ABR: variants seen among roughly 807,000 people sequenced by gnomAD.
ABR encodes active breakpoint cluster region-related protein.
In ABR, 35 loss-of-function variants were observed where a neutral mutation model predicts 107.2. The ratio of observed to expected loss-of-function variants is 0.33; its 90% CI spans 0.25 to 0.43. The LOEUF (loss-of-function observed/expected upper bound fraction) is 0.43, where lower values mean the gene tolerates loss of function less well. ABR is among the 20% of genes least tolerant of loss of function. The probability of loss-of-function intolerance (pLI) is 1.00; values close to 1 mark genes in which losing one functional copy is unlikely to be tolerated. For synonymous variants in ABR, 498 were observed against 462.0 expected, an observed-to-expected ratio of 1.08 and a Z score of -1.00; for missense variants, 815 against 1,115.2, an observed-to-expected ratio of 0.73 and a Z score of 3.83.
At chr17:1,012,321 A>G (rs1433437638) in intron 18 of ABR, 2 of 638,616 alleles carry the variant, frequency 3.1e-6, no homozygotes, top group Non-Finnish European at 5.8e-6. Context: ...CAGGCCTGAG[A>G]CAAGGGGCCA....
At chr17:1,146,904 A>G (rs928862869) in intron 1 of ABR, among the ~76,000 whole-genome samples, 34 of 151,402 alleles carry the variant, frequency 2.2e-4, no homozygotes, top group African/African-American at 8.3e-4. Flanking sequence ...CACTGCCACC[A>G]CTGCCACCAT....
At chr17:1,223,154 A>C (rs1268516975) in intron 1 of ABR, among the ~76,000 whole-genome samples, 1 of 151,866 alleles carries the variant, frequency 6.6e-6, no homozygotes, top group East Asian at 1.9e-4. Flanking sequence ...GTGAGCCGAG[A>C]TCTTGCCATT....
intron 3 of ABR, among the ~76,000 whole-genome samples, chr17:1,095,082 C>T (rs2037316698): frequency 6.6e-6 from 1 of 152,164 alleles, no homozygotes; most frequent in African/African-American, 2.4e-5. Flanking sequence ...AATCCCCATA[C>T]CCAAGAATTC....
In ABR at chr17:1,100,691, C is replaced by T. The variant is rs376958191; in HGVS notation, c.291G>A (p.Ser97=). 3.4e-5 allele frequency: 55 copies of T among 1,613,810 alleles called. No individual in the cohort carries two copies. In the Admixed American group the frequency reaches 5.0e-4, roughly 15 times the overall value. The change falls in exon 3 of 23, where the codon TCG becomes TCA. Residue 97 remains serine, a synonymous_variant. Coordinates refer to ENST00000302538, the MANE Select transcript of ABR (RefSeq NM_021962.5). ...KGLEMRKLVL[S]GFLASEEIYI... The stretch of plus-strand genomic sequence containing the variant: ...AGATCTCTTCGCTGGCCAAGAACCC[C>T]GAGAGAACCAGCTTCCTCATCTCCA...
chr17:1,049,965 A>G (rs1413299603), intron 16 of ABR, 85 bp downstream of exon 16: 1 of 1,514,678 alleles, frequency 6.6e-7, no homozygotes, highest in Non-Finnish European at 8.8e-7. Flanking sequence ...ATCACGAAAG[A>G]GCAGGCTCCT....
rs747765883 is a variant in ABR, at chr17:1,125,290, T to C, written c.139A>G (p.Met47Val). The stretch of plus-strand genomic sequence containing the variant: ...GTGGGCGACTCATCGATGTACGGCA[T>C]GGTCTCTGAGCCCTCCGGGGGCCCC... ...QKGPPEGSETMPYIDESPTMS... is the reference protein window; with the variant it reads ...QKGPPEGSETVPYIDESPTMS... Residue 47 changes from methionine to valine, a missense_variant, in exon 2 of 23, where the codon ATG becomes GTG. By Grantham distance (21) the Met-to-Val change is conservative. Around this residue, in one of 5 missense-constraint regions of ABR, gnomAD observed 129 missense variants for 124.8 expected, o/e 1.03. Transcript: ENST00000302538. The C allele has an allele frequency of 1.2e-6, 2 of 1,613,820 alleles. No homozygotes were observed. Among genetic ancestry groups the C allele is most frequent in the East Asian group, 4.5e-5 (2 of 44,890 alleles).
At chr17:1,031,973 C>T (rs1224252913) in intron 16 of ABR, 3 of 765,134 alleles carry the variant, frequency 3.9e-6, no homozygotes, top group Admixed American at 4.8e-5. Flanking sequence ...CCAGGCTGAG[C>T]GCCGCCTCCC....
intron 17 of ABR, 45 bp from the exon 18 acceptor site, chr17:1,012,842 G>T: frequency 1.4e-6 from 2 of 1,480,612 alleles, no homozygotes; most frequent in South Asian, 1.2e-5. Flanking sequence ...GGGTGTGAGT[G>T]CCCGAGGAAT....
intron 1 of ABR, among the ~76,000 whole-genome samples, chr17:1,224,933 A>C (rs753308584): frequency 3.3e-5 from 5 of 151,776 alleles, no homozygotes; most frequent in Non-Finnish European, 5.9e-5. Context: ...GCGGATCACA[A>C]AGTCAGGAGA....
chr17:1,215,837 A>AAT (rs2042991994), intron 1 of ABR, among the ~76,000 whole-genome samples: 1 of 151,992 alleles, frequency 6.6e-6, no homozygotes, highest in Non-Finnish European at 1.5e-5. Flanking sequence ...CTGGGAGAAA[A>AAT]TCTTCTGCCT....
chr17:1,126,873 A>G (rs2039625661), intron 1 of ABR, among the ~76,000 whole-genome samples: 1 of 152,196 alleles, frequency 6.6e-6, no homozygotes. Flanking sequence ...AAGTGCGTGG[A>G]GCGAATGAAT....
chr17:1,080,452 T>C (rs943138034), intron 5 of ABR, among the ~76,000 whole-genome samples: 4 of 152,044 alleles, frequency 2.6e-5, no homozygotes, highest in African/African-American at 9.7e-5. Flanking sequence ...ACTGGAGCTG[T>C]AATACCATCC....
chr17:1,220,234 T>C (rs1187726797), intron 1 of ABR, among the ~76,000 whole-genome samples: 1 of 151,016 alleles, frequency 6.6e-6, no homozygotes, highest in African/African-American at 2.4e-5. Context: ...GAGCTTGCAG[T>C]GAACCAAGAT....
At chr17:1,031,952 G>A (rs979946793) in intron 16 of ABR, 2 of 854,742 alleles carry the variant, frequency 2.3e-6, no homozygotes, top group African/African-American at 1.9e-5. Context: ...CGCCCTCCGC[G>A]AGGCTGCAGC....
chr17:1,157,281 C>T lies in ABR; in HGVS notation c.61+22386G>A. Among the ~76,000 whole-genome samples, 2 of 147,156 alleles carry T rather than the reference C, an allele frequency of 1.4e-5. No homozygotes were observed. The highest frequency in any genetic ancestry group is 3.0e-5 in the Non-Finnish European group (2 of 67,218). On this transcript the variant is annotated intron_variant, in intron 1 of 22. Transcript: ENST00000302538. This position sits in a 1 kb window ranked among gnomAD's most constrained non-coding sequence, Gnocchi z 4.7. ...TTTTTTTTTTTTTGAGATGAAGTCT[C>T]ACTCTGTCGCCCAGGCTGGAGTGCA...
At position 1,073,776 on chromosome 17, in the gene ABR, C is replaced by T. The variant is rs112454275; in HGVS notation, c.701-99G>A. The T allele has an allele frequency of 2.7e-4, 295 of 1,076,960 alleles. 1 individual carries two copies. The East Asian group carries it at 7.1e-3, about 26-fold the overall frequency. 66.7% of individuals were successfully genotyped at this position (1,076,960 alleles called of 1,614,324 possible). A position where few individuals can be genotyped will look rare whatever the true frequency, so the allele number is the denominator to read the frequency against. ...CGTCCCCCCACCCGCATGCTTCCCA[C>T]GTGAACACCCCTCGAGGGACACCAG... On this transcript the variant is annotated intron_variant, in intron 6 of 22. Coordinates refer to ENST00000302538, the MANE Select transcript of ABR (RefSeq NM_021962.5).
rs780978606 is a variant in ABR at position 1,050,498 on chromosome 17, G to A, written c.1659+39C>T. The stretch of plus-strand genomic sequence containing the variant: ...AGCAGACAAGCCACGAGCACGGGGT[G>A]GTGGGGTCCCCACAGAGATGCCAGC... On this transcript the variant is annotated intron_variant, in intron 15 of 22. Coordinates refer to ENST00000302538, the MANE Select transcript of ABR (RefSeq NM_021962.5). The surrounding 1 kb of genome is among the most constrained non-coding windows in gnomAD (Gnocchi z 4.6). 5.5e-5 allele frequency: 86 copies of A among 1,571,940 alleles called. No homozygotes were observed. The East Asian group carries it at 7.6e-4, about 14-fold the overall frequency.
intron 1 of ABR, among the ~76,000 whole-genome samples, chr17:1,226,147 C>T (rs889473378): frequency 6.6e-6 from 1 of 152,136 alleles, no homozygotes; most frequent in African/African-American, 2.4e-5. Flanking sequence ...GCAGCATCCA[C>T]GGTGGTAATT....
At chr17:1,067,037 G>T in intron 10 of ABR, 40 bp downstream of exon 10, 1 of 1,603,714 alleles carries the variant, frequency 6.2e-7, no homozygotes. Context: ...AACACAGCTG[G>T]CTCAAAGGGC....
Sources: gnomAD v4.1 joint callset for allele counts (sites outside exome capture counted in the v4.1 genomes callset) on GRCh38, gnomAD v4.1.1 for gene constraint, gnomAD v4.1.1 regional missense constraint, Gnocchi (gnomAD v3.1) non-coding constraint, MANE v1.5 for transcripts, NCBI Gene and HGNC (gene_info 2026-07-23, HGNC 2026-07-21) for gene names.